The following TIAM2 variants were observed in gnomAD, a reference collection of about 807,000 sequenced individuals.
TIAM2 encodes the protein TIAM Rac1 associated GEF 2, also known as rho guanine nucleotide exchange factor TIAM2.
A neutral mutation model predicts 152.9 loss-of-function variants in TIAM2; 80 were observed. The ratio of observed to expected loss-of-function variants is 0.52; its 90% CI spans 0.44 to 0.63. TIAM2 has a LOEUF of 0.63. Among genes scored for constraint, TIAM2 ranks in the 30% least tolerant of loss-of-function variants. TIAM2 has a pLI of 0.00. For synonymous variants in TIAM2, 804 were observed against 838.0 expected (o/e 0.96, Z 0.70); for missense variants, 1,965 against 2,120.1 (o/e 0.93, Z 1.44).
chr6:155,112,417 C>T (rs1051918844), intron 2 of TIAM2, among the ~76,000 whole-genome samples: 3 of 151,958 alleles, frequency 2.0e-5, no homozygotes, highest in South Asian at 4.2e-4. Context: ...GAGCCACCAC[C>T]GTGCCAGGTC....
intron 9 of TIAM2, among the ~76,000 whole-genome samples, 153 bp from the exon 10 acceptor site, chr6:155,176,663 G>A (rs1180107408): frequency 3.3e-5 from 5 of 152,226 alleles, no homozygotes; most frequent in African/African-American, 4.8e-5. Flanking sequence ...GTGAGGAAAC[G>A]TTGTCAGCCT....
chr6:155,137,903 C>G (rs962559500), intron 5 of TIAM2, among the ~76,000 whole-genome samples: 3 of 152,192 alleles, frequency 2.0e-5, no homozygotes, highest in Non-Finnish European at 2.9e-5. Flanking sequence ...ATGGCAGGAT[C>G]TCAGCTCACT....
At chr6:155,176,383 G>A (rs1000552220) in intron 9 of TIAM2, among the ~76,000 whole-genome samples, 4 of 152,132 alleles carry the variant, frequency 2.6e-5, no homozygotes, top group East Asian at 1.9e-4. Flanking sequence ...ACAGGCGCAC[G>A]TCAGCACACC....
At chr6:155,190,718 T>C (rs1781176494) in intron 14 of TIAM2, among the ~76,000 whole-genome samples, 2 of 152,198 alleles carry the variant, frequency 1.3e-5, no homozygotes, top group South Asian at 4.1e-4. Flanking sequence ...ATTTGAGAGT[T>C]TGGGATGCCA....
chr6:155,000,412 T>C (rs1055410337), intron 1 of TIAM2, among the ~76,000 whole-genome samples: 1 of 150,870 alleles, frequency 6.6e-6, no homozygotes, highest in African/African-American at 2.4e-5. Flanking sequence ...ATGCCTGTAA[T>C]CCCAGCTACT....
At chr6:155,126,514 C>T (rs1275751146) in intron 2 of TIAM2, among the ~76,000 whole-genome samples, 1 of 152,124 alleles carries the variant, frequency 6.6e-6, no homozygotes, top group Non-Finnish European at 1.5e-5. Flanking sequence ...AGCAGATCAC[C>T]TGAGGTCGGG....
intron 2 of TIAM2, among the ~76,000 whole-genome samples, chr6:155,100,051 G>A (rs913369749): frequency 3.2e-5 from 2 of 61,648 alleles, no homozygotes; most frequent in African/African-American, 1.0e-4. Flanking sequence ...GCAGTCTGTC[G>A]TCGGCTATTA....
intron 1 of TIAM2, among the ~76,000 whole-genome samples, chr6:155,010,201 T>C (rs1039410601): frequency 1.3e-5 from 2 of 152,194 alleles, no homozygotes; most frequent in Non-Finnish European, 2.9e-5. Flanking sequence ...GGAAGACTTA[T>C]GACTTTGAGG....
chr6:155,059,920 G>A lies in TIAM2; in HGVS notation c.-208-30369G>A, dbSNP rs76859983. ...TGGAGGGAGCAGTGTGAAATAATTT[G>A]TGGTCATATCTGAAAACTAACATAG... On this transcript the variant is annotated intron_variant, in intron 1 of 26. Coordinates refer to ENST00000682666, the MANE Select transcript of TIAM2 (RefSeq NM_012454.4). Among the ~76,000 whole-genome samples the A allele has an allele frequency of 2.2e-3, 328 of 152,278 alleles. 13 individuals are homozygous for A. In the East Asian group the frequency reaches 0.056, roughly 26 times the overall value.
At chr6:155,104,058 C>CACA (rs1562316987) in intron 2 of TIAM2, among the ~76,000 whole-genome samples, 782 of 59,746 alleles carry the variant, frequency 0.013, 2 homozygotes, top group Admixed American at 0.019. Context: ...CCCCACACCC[C>CACA]CACACACCCC....
In TIAM2 at chr6:155,047,791, A is replaced by G. The variant is rs1777232448; in HGVS notation, c.-208-42498A>G. Among the ~76,000 whole-genome samples, 3 of 150,328 alleles carry G rather than the reference A, an allele frequency of 2.0e-5. No homozygotes were observed. In the South Asian group the frequency reaches 6.3e-4, roughly 32 times the overall value. On this transcript the variant is annotated intron_variant, in intron 1 of 26. Transcript: ENST00000682666. Reference sequence around the variant, plus strand: ...GTGAGGACCCCCAGGTGCTCCCACTACTTTTTCTCTCTTCACTTCGGGGAG... The same window carrying G: ...GTGAGGACCCCCAGGTGCTCCCACTGCTTTTTCTCTCTTCACTTCGGGGAG...
chr6:155,137,640 A>T, intron 5 of TIAM2, 28 bp downstream of exon 5: 1 of 1,526,884 alleles, frequency 6.5e-7, no homozygotes, highest in Non-Finnish European at 8.7e-7. Flanking sequence ...TGCTGAGGCC[A>T]CTGGGGATTG....
chr6:155,001,258 G>T (rs1193376142), intron 1 of TIAM2, among the ~76,000 whole-genome samples: 1 of 152,112 alleles, frequency 6.6e-6, no homozygotes, highest in African/African-American at 2.4e-5. Context: ...GAAGGAGAAG[G>T]TTGGAGACCT....
intron 9 of TIAM2, chr6:155,168,795 T>C: frequency 7.0e-7 from 1 of 1,438,086 alleles, no homozygotes; most frequent in Non-Finnish European, 9.3e-7. Flanking sequence ...AGCTGGCAGA[T>C]GAATATTACA....
At chr6:155,191,455 G>A (rs1035671086) in intron 14 of TIAM2, among the ~76,000 whole-genome samples, 1 of 152,118 alleles carries the variant, frequency 6.6e-6, no homozygotes, top group Non-Finnish European at 1.5e-5. Context: ...GGTCATCATT[G>A]TTCTTAGTGT....
intron 1 of TIAM2, among the ~76,000 whole-genome samples, chr6:155,044,591 T>C (rs1017761373): frequency 6.6e-6 from 1 of 152,042 alleles, no homozygotes; most frequent in Non-Finnish European, 1.5e-5. Flanking sequence ...CAGAGGTGGG[T>C]GGATCATGAG....
At position 155,256,744 on chromosome 6, in the gene TIAM2, C is replaced by G; in HGVS notation, c.4729C>G (p.Gln1577Glu). ...GAGCGATGAAGATGATGACCACCGT[C>G]AGACTGTGAAGCAGGGCAGCCCTAC... ...ILSDEDDDHR[Q>E]TVKQGSPTKD... The change falls in exon 27 of 27, where the codon CAG becomes GAG. Residue 1577 changes from glutamine to glutamate, a missense_variant. Around this residue, in one of 3 missense-constraint regions of TIAM2, gnomAD observed 935 missense variants for 980.0 expected, o/e 0.95. Coordinates refer to ENST00000682666, the MANE Select transcript of TIAM2 (RefSeq NM_012454.4). 6.2e-7 allele frequency: 1 copy of G among 1,614,224 alleles called. No homozygotes were observed.
chr6:155,068,351 A>G (rs13215501), intron 1 of TIAM2, among the ~76,000 whole-genome samples: 57,485 of 152,042 alleles, frequency 0.38, 11,881 homozygotes, highest in Middle Eastern at 0.5. Flanking sequence ...TCTTTTATCA[A>G]TCTCTATAGA....
intron 1 of TIAM2, among the ~76,000 whole-genome samples, chr6:155,055,451 C>G (rs1464712891): frequency 6.6e-6 from 1 of 152,130 alleles, no homozygotes; most frequent in Admixed American, 6.6e-5. Flanking sequence ...TGTCTTCAGT[C>G]ACTAAAACAA....
Sources: gnomAD v4.1 joint callset for allele counts (sites outside exome capture counted in the v4.1 genomes callset) on GRCh38, gnomAD v4.1.1 for gene constraint, gnomAD v4.1.1 regional missense constraint, MANE v1.5 for transcripts, NCBI Gene and HGNC (gene_info 2026-07-23, HGNC 2026-07-21) for gene names.